RCC2: variants seen among roughly 807,000 people sequenced by gnomAD.
RCC2 encodes protein RCC2.
In RCC2, 19 loss-of-function variants were observed where a neutral mutation model predicts 64.1. The observed-to-expected ratio is 0.30, with a 90% CI of 0.21 to 0.44. The LOEUF is 0.44. Among genes scored for constraint, RCC2 ranks in the 20% least tolerant of loss-of-function variants. The pLI, the probability that RCC2 is intolerant of heterozygous loss-of-function variation, is 1.00. For synonymous variants in RCC2, 325 were observed against 279.6 expected, an observed-to-expected ratio of 1.16 and a Z score of -1.62; for missense variants, 508 against 710.4, an observed-to-expected ratio of 0.72 and a Z score of 3.24.
intron 3 of RCC2, among the ~76,000 whole-genome samples, chr1:17,428,341 C>T (rs1313375979): frequency 3.3e-5 from 5 of 152,252 alleles, no homozygotes; most frequent in African/African-American, 4.8e-5. Flanking sequence ...CAACGCGCTG[C>T]TGCTACCTGC....
chr1:17,430,172 AAAAGG>A (rs1303643721), intron 2 of RCC2, among the ~76,000 whole-genome samples: 1 of 152,216 alleles, frequency 6.6e-6, no homozygotes, highest in Non-Finnish European at 1.5e-5. Flanking sequence ...CCTGGACGTG[AAAAGG>A]AAAGGGGTTT....
chr1:17,422,389 T>A, intron 5 of RCC2, 98 bp from the exon 6 acceptor site: 1 of 1,152,836 alleles, frequency 8.7e-7, no homozygotes, highest in Non-Finnish European at 1.3e-6. Flanking sequence ...AACAGCTCAT[T>A]TGCCAGGCAG....
chr1:17,423,516 C>T (rs921802597), intron 4 of RCC2, among the ~76,000 whole-genome samples: 3 of 152,210 alleles, frequency 2.0e-5, no homozygotes, highest in African/African-American at 7.2e-5. Flanking sequence ...TGAATTCCAG[C>T]GGAAGGCAGG....
intron 3 of RCC2, 147 bp from the exon 4 acceptor site, chr1:17,425,831 C>A: frequency 1.3e-6 from 1 of 782,470 alleles, no homozygotes; most frequent in Non-Finnish European, 2.0e-6. Context: ...TGGGAGGCTG[C>A]ACAAGGATCG....
At position 17,409,031 on chromosome 1, in the gene RCC2, T is replaced by C. The variant is rs2075396231; in HGVS notation, c.*59A>G. The C allele has an allele frequency of 1.6e-6, 2 of 1,264,282 alleles. No homozygotes were observed. Among genetic ancestry groups the C allele is most frequent in the Non-Finnish European group, 1.2e-6 (1 of 861,778 alleles). The allele number at this position is 1,264,282 out of a possible 1,614,324, so 78.3% of individuals were successfully genotyped here. ...TTCCTCGTTTGACTTCCCGTCCCAG[T>C]GCACATGGAAATGACAGCTGCCGCG... On this transcript the variant is annotated 3_prime_UTR_variant, in exon 13 of 13. Transcript: ENST00000375436.
intron 7 of RCC2, among the ~76,000 whole-genome samples, chr1:17,417,461 T>C (rs2075500317): frequency 6.6e-6 from 1 of 152,114 alleles, no homozygotes; most frequent in Admixed American, 6.5e-5. Context: ...TGAAGTGAGG[T>C]GTTTGAGACC....
intron 2 of RCC2, among the ~76,000 whole-genome samples, chr1:17,430,741 T>C (rs986240642): frequency 6.6e-6 from 1 of 151,642 alleles, no homozygotes; most frequent in African/African-American, 2.4e-5. Flanking sequence ...TAAGCTGAGA[T>C]TGCACCATTG....
At chr1:17,435,549 C>T (rs1359805735) in intron 2 of RCC2, among the ~76,000 whole-genome samples, 1 of 152,242 alleles carries the variant, frequency 6.6e-6, no homozygotes, top group East Asian at 1.9e-4. Context: ...GGGCAGGAGG[C>T]CAACCCAGGA....
intron 2 of RCC2, among the ~76,000 whole-genome samples, chr1:17,431,359 A>AAAAAAATATATATAT (rs1553158471): frequency 2.2e-5 from 1 of 44,932 alleles, no homozygotes; most frequent in Non-Finnish European, 3.8e-5. Context: ...AAAAAAAAAA[A>AAAAAAATATATATAT]ATATATATAT....
chr1:17,425,638 A>T lies in RCC2; in HGVS notation c.426T>A (p.Tyr142Ter). The change falls in exon 4 of 13, where the codon TAT (tyrosine) becomes TAA (stop). Residue 142 changes from tyrosine to a stop codon, truncating the protein, a stop_gained. Coordinates refer to ENST00000375436, the MANE Select transcript of RCC2 (RefSeq NM_018715.4). LOFTEE classifies it high-confidence loss of function. ...GCACCCGGACCCCCGCCAGGCACCC[A>T]TATCTGTGGGGCCCCCACAAATTCT... ...LGQNLWGPHRYGCLAGVRVRT... is the reference protein window; with the variant it reads ...LGQNLWGPHR The T allele has an allele frequency of 6.2e-7, 1 of 1,613,952 alleles. No individual in the cohort carries two copies. The highest frequency in any genetic ancestry group is 8.5e-7 in the Non-Finnish European group (1 of 1,179,884).
Position 17,429,187 on chromosome 1 carries a change from A to T in RCC2, c.298T>A (p.Ser100Thr). 1 of 1,614,066 alleles carries T rather than the reference A, an allele frequency of 6.2e-7. No individual in the cohort carries two copies. The highest frequency in any genetic ancestry group is 2.2e-5 in the East Asian group (1 of 44,882). ...HTKERVKLEG[S>T]KCKGQLLIFG... ...ATCAAAAGCTGCCCTTTGCACTTTG[A>T]CCCTTCAAGTTTCTGCAGAGACAGA... is the stretch of plus-strand genomic sequence containing the variant. Residue 100 changes from serine (S) to threonine (T), a missense_variant, in exon 3 of 13, where the codon TCA becomes ACA. Transcript: ENST00000375436.
At position 17,439,567 on chromosome 1, in the gene RCC2, GGA is replaced by G. The variant is rs1278877741; in HGVS notation, c.-33_-32del. Reference sequence around the variant, plus strand: ...TACCTGGTTGGAGTGATGAGAAACCGGAGAGAAAAAAGGAAGAGAAGCAACTA... The same window carrying G: ...TACCTGGTTGGAGTGATGAGAAACCGGAGAAAAAAGGAAGAGAAGCAACTA... On this transcript the variant is annotated 5_prime_UTR_variant, in exon 1 of 13. Coordinates refer to ENST00000375436, the MANE Select transcript of RCC2 (RefSeq NM_018715.4). 1 of 148,432 alleles carries G rather than the reference GGA, an allele frequency of 6.7e-6. No homozygotes were observed. The highest frequency in any genetic ancestry group is 3.3e-3 in the Middle Eastern group (1 of 306). 9.2% of individuals were successfully genotyped at this position (148,432 alleles called of 1,614,324 possible). A position where few individuals can be genotyped will look rare whatever the true frequency, so the allele number is the denominator to read the frequency against.
intron 3 of RCC2, 135 bp from the exon 4 acceptor site, chr1:17,425,819 G>C: frequency 1.2e-6 from 1 of 856,674 alleles, no homozygotes. Context: ...TGCCTTGGCT[G>C]TTGGGAGGCT....
intron 8 of RCC2, among the ~76,000 whole-genome samples, chr1:17,414,650 G>A (rs918370297): frequency 6.6e-6 from 1 of 151,088 alleles, no homozygotes; most frequent in African/African-American, 2.4e-5. Context: ...TCCCCCCCTC[G>A]AGAGGGTCTC....
At chr1:17,412,069 G>A (rs2075433122) in intron 11 of RCC2, 53 bp downstream of exon 11, 1 of 1,526,062 alleles carries the variant, frequency 6.6e-7, no homozygotes, top group Non-Finnish European at 9.1e-7. Flanking sequence ...CAAAGGCCAT[G>A]AGCCACCCTG....
chr1:17,436,156 A>G (rs1429355424), intron 2 of RCC2, among the ~76,000 whole-genome samples: 1 of 152,214 alleles, frequency 6.6e-6, no homozygotes, highest in Non-Finnish European at 1.5e-5. Flanking sequence ...ATTTATGTGT[A>G]TAAACAGGAA....
chr1:17,427,225 C>A (rs1237066797), intron 3 of RCC2, among the ~76,000 whole-genome samples: 3 of 152,176 alleles, frequency 2.0e-5, no homozygotes, highest in Admixed American at 2.0e-4. Context: ...TAGAAAGTAT[C>A]TGTGAAGTAC....
At chr1:17,410,162 G>C (rs973032817) in intron 11 of RCC2, 111 bp from the exon 12 acceptor site, 1 of 888,348 alleles carries the variant, frequency 1.1e-6, no homozygotes, top group Non-Finnish European at 1.8e-6. Flanking sequence ...CAGTGATGAT[G>C]CCCTCTGGCC....
intron 7 of RCC2, 67 bp downstream of exon 7, chr1:17,420,643 CCCCA>C (rs2100368842): frequency 2.1e-6 from 2 of 953,938 alleles, no homozygotes; most frequent in South Asian, 1.6e-5. Context: ...GTGTGTGCAG[CCCCA>C]CACTGATCTC....
Sources: gnomAD v4.1 joint callset for allele counts (sites outside exome capture counted in the v4.1 genomes callset) on GRCh38, gnomAD v4.1.1 for gene constraint, MANE v1.5 for transcripts, NCBI Gene and HGNC (gene_info 2026-07-23, HGNC 2026-07-21) for gene names.